The following SANBR variants were observed in gnomAD, a reference collection of about 807,000 sequenced individuals.
SANBR encodes SANT and BTB domain regulator of CSR.
In SANBR, 77 loss-of-function variants were observed where a neutral mutation model predicts 101.8. The observed-to-expected ratio is 0.76, with a 90% CI of 0.63 to 0.91. The LOEUF is 0.91. Among genes scored for constraint, SANBR ranks in the 40% least tolerant of loss-of-function variants. The pLI is 0.00. For missense variants in SANBR, 875 were observed against 853.0 expected (o/e 1.03, Z -0.32); for synonymous variants, 279 against 274.7 (o/e 1.02, Z -0.15).
intron 20 of SANBR, among the ~76,000 whole-genome samples, chr2:61,132,425 A>G (rs1684716312): frequency 6.6e-6 from 1 of 152,232 alleles, no homozygotes. Context: ...GTTGCTCAAC[A>G]TCATTGGCCA....
At position 61,108,307 on chromosome 2, in the gene SANBR, T is replaced by TAGGA. The variant is rs768638658; in HGVS notation, c.1612-10_1612-9insAGGA. On this transcript the variant is annotated splice_polypyrimidine_tract_variant and intron_variant, in intron 14 of 21. Coordinates refer to ENST00000402291, the MANE Select transcript of SANBR (RefSeq NM_001129993.3). ...TGCAGATTTATTAATCTCTTATTCC[T>TAGGA]GTCTTGTAGTTCTTGTCATTGAAAA... 4 of 1,551,250 alleles carry TAGGA rather than the reference T, an allele frequency of 2.6e-6. No homozygotes were observed. In the East Asian group the frequency reaches 9.3e-5, roughly 36 times the overall value.
chr2:61,075,691 TTTAAC>T (rs2104855131), intron 5 of SANBR, among the ~76,000 whole-genome samples: 1 of 152,150 alleles, frequency 6.6e-6, no homozygotes, highest in East Asian at 1.9e-4. Flanking sequence ...TAGGAATGCT[TTTAAC>T]TACATTTATT....
chr2:61,081,658 C>A lies in SANBR; in HGVS notation c.729+148C>A, dbSNP rs899676652. ...AATTGTTAATTCAGGAATATAATTT[C>A]TTTTTCTTGAGACAGAGTCTCGCTC... is the stretch of plus-strand genomic sequence containing the variant. On this transcript the variant is annotated intron_variant, in intron 7 of 21. Transcript: ENST00000402291. The A allele has an allele frequency of 6.7e-5, 64 of 957,430 alleles. 1 individual carries two copies. In the South Asian group the frequency reaches 8.4e-4, roughly 13 times the overall value. 59.3% of individuals were successfully genotyped at this position (957,430 alleles called of 1,614,324 possible).
intron 14 of SANBR, 64 bp downstream of exon 14, chr2:61,106,726 C>A: frequency 3.0e-6 from 3 of 999,066 alleles, no homozygotes; most frequent in Non-Finnish European, 4.5e-6. Context: ...TAATCTTTGA[C>A]AGGAACCTGA....
chr2:61,088,337 T>C, intron 9 of SANBR, 21 bp from the exon 10 acceptor site: 1 of 1,574,246 alleles, frequency 6.4e-7, no homozygotes, highest in Non-Finnish European at 8.6e-7. Context: ...TGGATGTTTT[T>C]TGTATCTTCT....
At chr2:61,134,702 C>T (rs1398119806) in intron 21 of SANBR, among the ~76,000 whole-genome samples, 4 of 152,066 alleles carry the variant, frequency 2.6e-5, no homozygotes. Context: ...ACCATCCTGG[C>T]CAACATGGTG....
intron 13 of SANBR, among the ~76,000 whole-genome samples, chr2:61,104,306 C>A (rs1376165523): frequency 6.6e-6 from 1 of 151,820 alleles, no homozygotes; most frequent in African/African-American, 2.4e-5. Flanking sequence ...CACAGTGAAA[C>A]CCCATCTCTA....
chr2:61,080,773 T>C (rs1435185378), intron 6 of SANBR, among the ~76,000 whole-genome samples: 1 of 152,116 alleles, frequency 6.6e-6, no homozygotes, highest in Non-Finnish European at 1.5e-5. Flanking sequence ...AGAGTTGTTA[T>C]TTAGAGACAG....
intron 4 of SANBR, among the ~76,000 whole-genome samples, chr2:61,072,760 C>T (rs901955226): frequency 2.7e-5 from 4 of 147,210 alleles, no homozygotes; most frequent in Middle Eastern, 3.6e-3. Context: ...GAGGGGTTTG[C>T]CCTGTGCCCT....
At chr2:61,071,892 T>C in intron 4 of SANBR, 100 bp downstream of exon 4, 1 of 709,804 alleles carries the variant, frequency 1.4e-6, no homozygotes, top group Non-Finnish European at 2.3e-6. Context: ...AAGGCTAATA[T>C]AAACATTAAT....
At chr2:61,121,599 T>C in intron 21 of SANBR, 1 of 198,650 alleles carries the variant, frequency 5.0e-6, no homozygotes, top group Non-Finnish European at 1.0e-5. Context: ...ATATTAATAC[T>C]TTATATAAAT....
At chr2:61,080,329 A>G (rs1436988706) in intron 6 of SANBR, among the ~76,000 whole-genome samples, 1 of 152,180 alleles carries the variant, frequency 6.6e-6, no homozygotes, top group Non-Finnish European at 1.5e-5. Context: ...TGCTTAATTA[A>G]ATTTCTAATA....
At chr2:61,084,396 A>T (rs910172158) in intron 8 of SANBR, among the ~76,000 whole-genome samples, 7 of 152,172 alleles carry the variant, frequency 4.6e-5, no homozygotes, top group Admixed American at 2.0e-4. Flanking sequence ...CCATATGAAC[A>T]TATCGTGATA....
At chr2:61,124,718 A>C (rs1432341695), downstream of SANBR, among the ~76,000 whole-genome samples, 1 of 151,596 alleles carries the variant, frequency 6.6e-6, no homozygotes, top group African/African-American at 2.4e-5. Flanking sequence ...AAAAAAAAAA[A>C]GATTATTTTA....
chr2:61,103,220 C>T (rs1205506162), intron 12 of SANBR, among the ~76,000 whole-genome samples: 2 of 150,722 alleles, frequency 1.3e-5, no homozygotes, highest in Non-Finnish European at 1.5e-5. Flanking sequence ...AAGGCAATCT[C>T]GACCTCCCTG....
chr2:61,083,108 T>A (rs781402404), intron 7 of SANBR, 46 bp from the exon 8 acceptor site: 1 of 1,369,170 alleles, frequency 7.3e-7, no homozygotes, highest in Non-Finnish European at 1.0e-6. Flanking sequence ...TATGACATTG[T>A]CCTTCATGCT....
At chr2:61,129,956 T>C (rs1027298527) in intron 20 of SANBR, among the ~76,000 whole-genome samples, 1 of 152,124 alleles carries the variant, frequency 6.6e-6, no homozygotes, top group Non-Finnish European at 1.5e-5. Flanking sequence ...CATATGTATG[T>C]ATAACAATAC....
intron 7 of SANBR, 103 bp from the exon 8 acceptor site, chr2:61,083,051 A>G (rs979947215): frequency 2.2e-6 from 2 of 909,628 alleles, no homozygotes; most frequent in Non-Finnish European, 3.4e-6. Flanking sequence ...GTGCCTAGCA[A>G]TATATGGATT....
chr2:61,075,723 A>ATGC (rs2104855244), intron 5 of SANBR, among the ~76,000 whole-genome samples: 1 of 151,878 alleles, frequency 6.6e-6, no homozygotes, highest in East Asian at 1.9e-4. Flanking sequence ...TATTTAATAT[A>ATGC]TTTATATTTT....
Sources: gnomAD v4.1 joint callset for allele counts (sites outside exome capture counted in the v4.1 genomes callset) on GRCh38, gnomAD v4.1.1 for gene constraint, MANE v1.5 for transcripts, NCBI Gene and HGNC (gene_info 2026-07-23, HGNC 2026-07-21) for gene names.